ADCY2: variants seen among roughly 807,000 people sequenced by gnomAD.
ADCY2 encodes the protein adenylate cyclase type 2.
A neutral mutation model predicts 125.2 loss-of-function variants in ADCY2; 31 were observed. The observed-to-expected ratio is 0.25, with a 90% CI of 0.19 to 0.33. ADCY2 has a LOEUF of 0.33. Among genes scored for constraint, ADCY2 ranks in the 10% least tolerant of loss-of-function variants. The probability of loss-of-function intolerance (pLI) is 1.00; values close to 1 mark genes in which losing one functional copy is unlikely to be tolerated. For synonymous variants in ADCY2, 512 were observed against 548.4 expected (o/e 0.93, Z 0.93); for missense variants, 904 against 1,418.2 (o/e 0.64, Z 5.82).
rs140373309 is a variant in ADCY2, at chr5:7,549,463, C to T, written c.570+28564C>T. Among the ~76,000 whole-genome samples, 1,023 of 152,194 alleles carry T rather than the reference C, an allele frequency of 6.7e-3. 11 individuals are homozygous for T. The highest frequency in any genetic ancestry group is 0.023 in the African/African-American group (974 of 41,516). On this transcript the variant is annotated intron_variant, in intron 3 of 24. Transcript: ENST00000338316. ...AGCTGGGCAGGAAAATGTAATTCCC[C>T]GAATAGGAAGGGGATCACAAGTCAC... is the stretch of plus-strand genomic sequence containing the variant.
In ADCY2 at chr5:7,824,272, C is replaced by T. The variant is rs151198659; in HGVS notation, c.3124-2447C>T. Among the ~76,000 whole-genome samples the T allele has an allele frequency of 5.3e-5, 8 of 152,230 alleles. No homozygotes were observed. In the East Asian group the frequency reaches 1.4e-3, roughly 26 times the overall value. On this transcript the variant is annotated intron_variant, in intron 24 of 24. Transcript: ENST00000338316. ...CAGCATAGCAAGCCCACTCAGCAAC[C>T]CTGCGGCTTCTCCTAGGCCTGGAGG... is the stretch of plus-strand genomic sequence containing the variant.
intron 22 of ADCY2, among the ~76,000 whole-genome samples, chr5:7,812,831 G>A (rs773764635): frequency 1.3e-5 from 2 of 152,158 alleles, no homozygotes; most frequent in Non-Finnish European, 2.9e-5. Context: ...AGTGGCTTTA[G>A]CCTGGGAGGC....
intron 3 of ADCY2, among the ~76,000 whole-genome samples, chr5:7,527,352 G>C (rs868805832): frequency 6.6e-6 from 1 of 152,186 alleles, no homozygotes; most frequent in Non-Finnish European, 1.5e-5. Flanking sequence ...TTGTAGGTTA[G>C]TATCACTGTT....
chr5:7,715,467 G>A lies in ADCY2; in HGVS notation c.1623-1690G>A, dbSNP rs189486524. On this transcript the variant is annotated intron_variant, in intron 11 of 24. Coordinates refer to ENST00000338316, the MANE Select transcript of ADCY2 (RefSeq NM_020546.3). ...AAGTCTAGATGTGGGACTGATAAAC[G>A]TTAAATGAAGGGTCTAAGGTCCTAC... is the stretch of plus-strand genomic sequence containing the variant. 4.0e-5 allele frequency among the ~76,000 whole-genome samples: 6 copies of A among 151,758 alleles called. No homozygotes were observed. In the East Asian group the frequency reaches 5.8e-4, roughly 15 times the overall value.
chr5:7,757,459 A>G lies in ADCY2; in HGVS notation c.1967A>G (p.Lys656Arg). Residue 656 changes from lysine to arginine, a missense_variant, in exon 16 of 25, where the codon AAA (lysine) becomes AGA (arginine). This residue lies in a region of ADCY2 where 221 missense variants were observed against 246.2 expected (regional missense o/e 0.90). Coordinates refer to ENST00000338316, the MANE Select transcript of ADCY2 (RefSeq NM_020546.3). ...TCTCTCTTCTCCTAGCAATGCAGCA[A>G]AAAAGCCTCTCCCCTGCTCATGTGG... ...CFAGQLLQCS[K>R]KASPLLMWLL... 1.9e-6 allele frequency: 3 copies of G among 1,613,846 alleles called. No individual in the cohort carries two copies. Among genetic ancestry groups the G allele is most frequent in the Non-Finnish European group, 2.5e-6 (3 of 1,179,868 alleles).
intron 2 of ADCY2, among the ~76,000 whole-genome samples, chr5:7,472,636 G>C (rs1045253075): frequency 6.6e-6 from 1 of 152,096 alleles, no homozygotes; most frequent in Admixed American, 6.5e-5. Context: ...AGCAGAGACC[G>C]AGACAGATCA....
chr5:7,476,355 T>C (rs760803016), intron 2 of ADCY2, among the ~76,000 whole-genome samples: 113 of 152,138 alleles, frequency 7.4e-4, no homozygotes, highest in Non-Finnish European at 1.2e-3. Flanking sequence ...CTGGACATTG[T>C]TGTGGGAGGA....
At chr5:7,719,033 A>C (rs1013567261) in intron 12 of ADCY2, among the ~76,000 whole-genome samples, 2 of 152,206 alleles carry the variant, frequency 1.3e-5, no homozygotes, top group African/African-American at 4.8e-5. Flanking sequence ...CTAATTCCTA[A>C]AGTTAACCTC....
At chr5:7,811,488 G>A (rs1258543022) in intron 22 of ADCY2, among the ~76,000 whole-genome samples, 5 of 148,790 alleles carry the variant, frequency 3.4e-5, no homozygotes, top group South Asian at 2.1e-4. Context: ...GCAACAGAGC[G>A]AGACTCTGTC....
At chr5:7,826,070 G>A (rs1347985770) in intron 24 of ADCY2, among the ~76,000 whole-genome samples, 1 of 152,204 alleles carries the variant, frequency 6.6e-6, no homozygotes, top group African/African-American at 2.4e-5. Context: ...GGAGACCTTT[G>A]AGACTTGACT....
chr5:7,780,987 C>G (rs2126493245), intron 18 of ADCY2, among the ~76,000 whole-genome samples: 1 of 152,306 alleles, frequency 6.6e-6, no homozygotes, highest in Admixed American at 6.5e-5. Flanking sequence ...TCTGAGTCCC[C>G]AGTGTCTGAT....
chr5:7,764,261 A>G (rs904010976), intron 16 of ADCY2, among the ~76,000 whole-genome samples: 4 of 152,230 alleles, frequency 2.6e-5, no homozygotes, highest in African/African-American at 9.6e-5. Context: ...GTCTCCAGCT[A>G]GCTGTTGAGA....
chr5:7,688,448 T>C (rs1740603741), intron 4 of ADCY2, among the ~76,000 whole-genome samples: 1 of 151,820 alleles, frequency 6.6e-6, no homozygotes, highest in Non-Finnish European at 1.5e-5. Flanking sequence ...TTTTTATTTT[T>C]AGTAGAGATG....
chr5:7,763,386 C>T (rs528594803), intron 16 of ADCY2, among the ~76,000 whole-genome samples: 3 of 152,232 alleles, frequency 2.0e-5, no homozygotes, highest in East Asian at 3.9e-4. Flanking sequence ...CCACCGCGCC[C>T]GGCCTCTAAT....
At chr5:7,613,730 T>G (rs2126646446) in intron 3 of ADCY2, among the ~76,000 whole-genome samples, 1 of 152,324 alleles carries the variant, frequency 6.6e-6, no homozygotes, top group South Asian at 2.1e-4. Context: ...GCCTTGCTTC[T>G]CTAATCACAC....
At chr5:7,817,220 C>A (rs1000771631) in intron 23 of ADCY2, among the ~76,000 whole-genome samples, 1 of 152,158 alleles carries the variant, frequency 6.6e-6, no homozygotes, top group African/African-American at 2.4e-5. Flanking sequence ...ACGGCACGCA[C>A]AGCCTTGAGC....
chr5:7,755,186 C>T (rs1247118684), intron 15 of ADCY2, among the ~76,000 whole-genome samples: 1 of 152,168 alleles, frequency 6.6e-6, no homozygotes, highest in Non-Finnish European at 1.5e-5. Context: ...GGGCCGAGGG[C>T]GCCCCCTGCC....
At chr5:7,796,295 A>T (rs1744419212) in intron 20 of ADCY2, 1 of 152,162 alleles carries the variant, frequency 6.6e-6, no homozygotes, top group South Asian at 2.1e-4. Flanking sequence ...TCTGTGGCAC[A>T]ACCTGTGGTT....
At chr5:7,561,819 T>C (rs10475380) in intron 3 of ADCY2, among the ~76,000 whole-genome samples, 56,586 of 151,920 alleles carry the variant, frequency 0.37, 11,250 homozygotes, top group African/African-American at 0.42. Context: ...CAGCTGCCTT[T>C]ATGCCTTGCT....
Sources: allele counts gnomAD v4.1 joint callset (sites outside exome capture counted in the v4.1 genomes callset), GRCh38; gene constraint gnomAD v4.1.1; regional missense constraint gnomAD v4.1.1; transcripts MANE v1.5; gene names NCBI Gene and HGNC (gene_info 2026-07-23, HGNC 2026-07-21).